GHR: variants seen among roughly 807,000 people sequenced by gnomAD.
The protein encoded by GHR is growth hormone receptor.
Under a neutral mutation model 67.1 loss-of-function variants are expected in GHR, and 35 were observed. The ratio of observed to expected loss-of-function variants is 0.52; its 90% CI spans 0.40 to 0.69. The LOEUF (loss-of-function observed/expected upper bound fraction) is 0.69. Ranked by LOEUF, GHR falls within the 30% of genes least tolerant of loss-of-function variation. GHR has a pLI of 0.00. For missense variants in GHR, 792 were observed against 764.6 expected, an observed-to-expected ratio of 1.04 and a Z score of -0.42; for synonymous variants, 272 against 269.1, an observed-to-expected ratio of 1.01 and a Z score of -0.10.
chr5:42,461,270 T>C (rs1424265424), intron 1 of GHR, among the ~76,000 whole-genome samples: 1 of 152,194 alleles, frequency 6.6e-6, no homozygotes, highest in African/African-American at 2.4e-5. Flanking sequence ...GTGGACCTTT[T>C]TTCTGAACTC....
intron 3 of GHR, among the ~76,000 whole-genome samples, chr5:42,657,302 T>A (rs538788753): frequency 6.6e-6 from 1 of 152,292 alleles, no homozygotes; most frequent in East Asian, 1.9e-4. Context: ...TAGGTCCAGG[T>A]GACTGTTAAG....
chr5:42,599,444 C>T (rs532266122), intron 2 of GHR, among the ~76,000 whole-genome samples: 2 of 147,842 alleles, frequency 1.4e-5, no homozygotes, highest in South Asian at 2.1e-4. Flanking sequence ...CTCACTCAAC[C>T]TCTGCCTCCC....
At chr5:42,530,238 A>C (rs1392541115) in intron 1 of GHR, among the ~76,000 whole-genome samples, 1 of 152,048 alleles carries the variant, frequency 6.6e-6, no homozygotes, top group Non-Finnish European at 1.5e-5. Context: ...ATTTTTGAAC[A>C]CTAGCTACAA....
intron 1 of GHR, among the ~76,000 whole-genome samples, chr5:42,482,069 TC>T (rs1160221335): frequency 1.3e-5 from 2 of 151,748 alleles, no homozygotes; most frequent in Non-Finnish European, 2.9e-5. Flanking sequence ...GGTGTGGATG[TC>T]CTTCCTGTTC....
intron 2 of GHR, among the ~76,000 whole-genome samples, chr5:42,625,665 A>G (rs982168963): frequency 3.9e-5 from 6 of 152,178 alleles, no homozygotes. Context: ...CTTCCAGGCT[A>G]TAGGTAAATT....
intron 2 of GHR, among the ~76,000 whole-genome samples, chr5:42,567,537 A>C (rs1004999598): frequency 5.3e-5 from 8 of 152,194 alleles, no homozygotes; most frequent in African/African-American, 1.9e-4. Context: ...ACTAAACACA[A>C]ATCACATATC....
In GHR at chr5:42,614,559, A is replaced by ATTT. The variant is rs553365880; in HGVS notation, c.71-14449_71-14447dup. Among the ~76,000 whole-genome samples, 96 of 65,404 alleles carry ATTT rather than the reference A, an allele frequency of 1.5e-3. 6 individuals carry two copies. Among genetic ancestry groups the ATTT allele is most frequent in the African/African-American group, 4.3e-3 (68 of 15,838 alleles). 42.9% of individuals were successfully genotyped at this position (65,404 alleles called of 152,430 possible). On this transcript the variant is annotated intron_variant, in intron 2 of 9. Coordinates refer to ENST00000230882, the MANE Select transcript of GHR (RefSeq NM_000163.5). The stretch of plus-strand genomic sequence containing the variant: ...GCAAGCTTTATAGGCCATAGAGGAC[A>ATTT]TTTTTTTTTTTTTTTTTTTTTTTTT...
intron 1 of GHR, among the ~76,000 whole-genome samples, chr5:42,532,679 G>A (rs1432509027): frequency 6.6e-6 from 1 of 151,900 alleles, no homozygotes; most frequent in Non-Finnish European, 1.5e-5. Context: ...AAATATACAT[G>A]TTTTACTGTA....
chr5:42,711,731 A>G (rs776612105), intron 7 of GHR, among the ~76,000 whole-genome samples: 10 of 152,096 alleles, frequency 6.6e-5, no homozygotes, highest in Non-Finnish European at 1.0e-4. Flanking sequence ...CAGGAAAAAA[A>G]GCTGTACTGA....
At chr5:42,435,854 G>A (rs563881798) in intron 1 of GHR, among the ~76,000 whole-genome samples, 1 of 152,324 alleles carries the variant, frequency 6.6e-6, no homozygotes, top group African/African-American at 2.4e-5. Flanking sequence ...CAGATAGCAA[G>A]TTCTGTAACA....
chr5:42,663,965 C>A (rs561846358), intron 3 of GHR, among the ~76,000 whole-genome samples: 56 of 150,214 alleles, frequency 3.7e-4, no homozygotes, highest in Admixed American at 6.7e-4. Flanking sequence ...ACAAACAGAG[C>A]CAAATCATGA....
chr5:42,476,553 T>C (rs1457232568), intron 1 of GHR, among the ~76,000 whole-genome samples: 5 of 152,212 alleles, frequency 3.3e-5, no homozygotes, highest in African/African-American at 1.2e-4. Context: ...TTCTTAAAAA[T>C]AATGCAAATT....
At chr5:42,495,603 T>G (rs1579815890) in intron 1 of GHR, among the ~76,000 whole-genome samples, 1 of 152,062 alleles carries the variant, frequency 6.6e-6, no homozygotes, top group African/African-American at 2.4e-5. Flanking sequence ...AGAAAAAAAA[T>G]GCACTGGTGT....
chr5:42,544,326 A>G (rs1165929962), intron 1 of GHR, among the ~76,000 whole-genome samples: 1 of 152,220 alleles, frequency 6.6e-6, no homozygotes, highest in Non-Finnish European at 1.5e-5. Flanking sequence ...AAACAATGGC[A>G]GATCATTTTT....
chr5:42,474,765 G>A (rs2112119656), intron 1 of GHR, among the ~76,000 whole-genome samples: 1 of 151,384 alleles, frequency 6.6e-6, no homozygotes, highest in South Asian at 2.1e-4. Flanking sequence ...GTTTTCTAAA[G>A]AGTAAAACCT....
chr5:42,690,299 G>A (rs1451292596), intron 4 of GHR, among the ~76,000 whole-genome samples: 1 of 152,098 alleles, frequency 6.6e-6, no homozygotes, highest in Non-Finnish European at 1.5e-5. Context: ...TCTCACCAAG[G>A]AATACTAGGG....
At chr5:42,497,083 G>A (rs1746352855) in intron 1 of GHR, among the ~76,000 whole-genome samples, 1 of 152,152 alleles carries the variant, frequency 6.6e-6, no homozygotes. Flanking sequence ...TCTGCCTGGT[G>A]TCCTATTTTT....
chr5:42,691,377 A>G (rs916226627), intron 4 of GHR, among the ~76,000 whole-genome samples: 2 of 152,224 alleles, frequency 1.3e-5, no homozygotes, highest in African/African-American at 4.8e-5. Context: ...AGCCCAGTTT[A>G]TCCAAGAAGG....
intron 1 of GHR, among the ~76,000 whole-genome samples, chr5:42,544,281 T>G (rs1286317781): frequency 6.6e-6 from 1 of 152,176 alleles, no homozygotes; most frequent in Non-Finnish European, 1.5e-5. Context: ...ATGTTCCAAA[T>G]AATATTCAGC....
Sources: gnomAD v4.1 joint callset for allele counts (sites outside exome capture counted in the v4.1 genomes callset) on GRCh38, gnomAD v4.1.1 for gene constraint, MANE v1.5 for transcripts, NCBI Gene and HGNC (gene_info 2026-07-23, HGNC 2026-07-21) for gene names.